NKAIN3: variants seen among roughly 807,000 people sequenced by gnomAD.
NKAIN3 encodes sodium/potassium transporting ATPase interacting 3, also known as sodium/potassium-transporting ATPase subunit beta-1-interacting protein 3.
In NKAIN3, 25 loss-of-function variants were observed where a neutral mutation model predicts 30.2. The observed-to-expected ratio is 0.83, with a 90% CI of 0.60 to 1.16. The LOEUF (loss-of-function observed/expected upper bound fraction) is 1.16. NKAIN3 is among the 50% of genes most tolerant of loss of function. NKAIN3 has a pLI of 0.00. For synonymous variants in NKAIN3, 91 were observed against 89.6 expected, an observed-to-expected ratio of 1.02 and a Z score of -0.09; for missense variants, 225 against 254.1, an observed-to-expected ratio of 0.89 and a Z score of 0.78.
chr8:62,577,007 G>T (rs1457609279), intron 1 of NKAIN3, among the ~76,000 whole-genome samples: 1 of 152,100 alleles, frequency 6.6e-6, no homozygotes, highest in Non-Finnish European at 1.5e-5. Context: ...AAGTTAGATA[G>T]AATAATTAGG....
At chr8:62,845,331 C>T (rs1224792835) in intron 4 of NKAIN3, among the ~76,000 whole-genome samples, 1 of 86,064 alleles carries the variant, frequency 1.2e-5, no homozygotes, top group Non-Finnish European at 2.5e-5. Context: ...ATAGAGTTGG[C>T]TCCTTGCCTT....
chr8:62,710,549 C>T (rs1007662525), intron 3 of NKAIN3, among the ~76,000 whole-genome samples: 1 of 152,110 alleles, frequency 6.6e-6, no homozygotes, highest in Non-Finnish European at 1.5e-5. Context: ...CCCCTGCTCA[C>T]TTTTAGTGTC....
At chr8:62,613,284 C>G (rs1811347814) in intron 3 of NKAIN3, among the ~76,000 whole-genome samples, 1 of 152,116 alleles carries the variant, frequency 6.6e-6, no homozygotes, top group Admixed American at 6.6e-5. Flanking sequence ...GATGTTTGCA[C>G]TGGATATACT....
chr8:62,493,701 C>CA (rs1221403582), intron 1 of NKAIN3, among the ~76,000 whole-genome samples: 2 of 151,962 alleles, frequency 1.3e-5, no homozygotes, highest in Non-Finnish European at 2.9e-5. Context: ...TCTCTGAGTT[C>CA]TTTGATCAGT....
chr8:62,745,865 T>C (rs1202241450), intron 3 of NKAIN3, among the ~76,000 whole-genome samples: 1 of 151,970 alleles, frequency 6.6e-6, no homozygotes, highest in East Asian at 1.9e-4. Flanking sequence ...TGTGAGAGAG[T>C]GCCGCATTAT....
At chr8:62,600,230 C>T (rs1810949366) in intron 3 of NKAIN3, among the ~76,000 whole-genome samples, 2 of 151,930 alleles carry the variant, frequency 1.3e-5, no homozygotes, top group South Asian at 4.2e-4. Context: ...GTCACATTTT[C>T]ATAGAATTCT....
rs59832626 is a variant in NKAIN3 at position 62,866,890 on chromosome 8, CAA to C, written c.472-51549_472-51548del. Among the ~76,000 whole-genome samples the C allele has an allele frequency of 8.7e-5, 11 of 125,878 alleles. No homozygotes were observed. In the East Asian group the frequency reaches 1.1e-3, roughly 12 times the overall value. 82.6% of individuals were successfully genotyped at this position (125,878 alleles called of 152,430 possible). On this transcript the variant is annotated intron_variant, in intron 4 of 6. Transcript: ENST00000623646. The stretch of plus-strand genomic sequence containing the variant: ...TGAAACCCCGTCTCTACTAAAAATA[CAA>C]AAAAAAAAAAAAATTGGCCGGGCTT...
chr8:62,403,407 G>A (rs1803953569), intron 1 of NKAIN3, among the ~76,000 whole-genome samples: 1 of 152,206 alleles, frequency 6.6e-6, no homozygotes, highest in African/African-American at 2.4e-5. Context: ...AGACCTTCAT[G>A]GCAGCCCCTT....
chr8:62,729,040 C>CAAAACAAAAAAAAAAACAAAAAAAA, intron 3 of NKAIN3, among the ~76,000 whole-genome samples: 1 of 61,206 alleles, frequency 1.6e-5, no homozygotes, highest in Non-Finnish European at 3.0e-5. Context: ...AAAAAAAAAA[C>CAAAACAAAAAAAAAAACAAAAAAAA]AAAAAAAAAA....
chr8:62,760,933 C>T (rs1275386339), intron 4 of NKAIN3, among the ~76,000 whole-genome samples: 1 of 152,158 alleles, frequency 6.6e-6, no homozygotes, highest in Non-Finnish European at 1.5e-5. Context: ...GCCTCTGCAC[C>T]TGTCGGCAAG....
intron 1 of NKAIN3, among the ~76,000 whole-genome samples, chr8:62,429,759 A>C (rs1804936010): frequency 6.6e-6 from 1 of 151,818 alleles, no homozygotes; most frequent in African/African-American, 2.4e-5. Context: ...CATCTAGGAT[A>C]CTCCAGTCTT....
In NKAIN3 at chr8:62,394,359, G is replaced by A. The variant is rs117064282; in HGVS notation, c.54+145232G>A. Among the ~76,000 whole-genome samples the A allele has an allele frequency of 2.1e-4, 32 of 151,522 alleles. 1 individual carries two copies. The highest frequency in any genetic ancestry group is 2.9e-4 in the African/African-American group (12 of 41,204). On this transcript the variant is annotated intron_variant, in intron 1 of 6. Coordinates refer to ENST00000623646, the MANE Select transcript of NKAIN3 (RefSeq NM_001304533.3). ...ACATTTAGGTAATATGCTTAGATACGTTACATTTATATAATACTACATTTG... is the reference window on the plus strand; with the variant it reads ...ACATTTAGGTAATATGCTTAGATACATTACATTTATATAATACTACATTTG...
intron 4 of NKAIN3, chr8:62,855,839 T>G: frequency 1.2e-6 from 1 of 812,462 alleles, no homozygotes; most frequent in Non-Finnish European, 2.2e-6. Context: ...TCACCAGAAA[T>G]TTCTGGTCAT....
intron 3 of NKAIN3, among the ~76,000 whole-genome samples, chr8:62,632,397 C>T (rs529175125): frequency 6.6e-6 from 1 of 151,998 alleles, no homozygotes; most frequent in African/African-American, 2.4e-5. Context: ...TTATTATAAA[C>T]CTTGTATAAT....
At chr8:62,453,950 A>G (rs1292364460) in intron 1 of NKAIN3, among the ~76,000 whole-genome samples, 1 of 152,182 alleles carries the variant, frequency 6.6e-6, no homozygotes. Flanking sequence ...CCTTCCTTGT[A>G]TAAGGAAGAA....
chr8:62,915,369 G>C (rs1032612472), intron 4 of NKAIN3, among the ~76,000 whole-genome samples: 7 of 152,286 alleles, frequency 4.6e-5, no homozygotes, highest in Non-Finnish European at 1.0e-4. Flanking sequence ...AGGCAGGGGA[G>C]GAAGGACCAG....
intron 1 of NKAIN3, among the ~76,000 whole-genome samples, chr8:62,414,220 T>C: frequency 6.6e-6 from 1 of 152,194 alleles, no homozygotes; most frequent in East Asian, 1.9e-4. Context: ...GATTGCTTTA[T>C]TTTAAGCTGT....
chr8:62,565,372 G>GGCA, intron 1 of NKAIN3, among the ~76,000 whole-genome samples: 1 of 151,974 alleles, frequency 6.6e-6, no homozygotes, highest in South Asian at 2.1e-4. Context: ...GTGCGTGTGT[G>GGCA]TGTGTGTGTG....
chr8:62,672,799 A>T (rs548842752), intron 3 of NKAIN3, among the ~76,000 whole-genome samples: 38 of 152,316 alleles, frequency 2.5e-4, no homozygotes, highest in African/African-American at 8.9e-4. Context: ...ATCTCTTTAT[A>T]TTCATAGTAT....
Sources: gnomAD v4.1 joint callset for allele counts (sites outside exome capture counted in the v4.1 genomes callset) on GRCh38, gnomAD v4.1.1 for gene constraint, MANE v1.5 for transcripts, NCBI Gene and HGNC (gene_info 2026-07-23, HGNC 2026-07-21) for gene names.